ASAP1: variants seen among roughly 807,000 people sequenced by gnomAD.
The protein encoded by ASAP1 is ArfGAP with SH3 domain, ankyrin repeat and PH domain 1, also known as arf-GAP with SH3 domain, ANK repeat and PH domain-containing protein 1.
In ASAP1, 43 loss-of-function variants were observed where a neutral mutation model predicts 145.2. The observed-to-expected ratio is 0.30, with a 90% CI of 0.23 to 0.38. The LOEUF is 0.38. Among genes scored for constraint, ASAP1 ranks in the 10% least tolerant of loss-of-function variants. The pLI is 1.00. For missense variants in ASAP1, 1,018 were observed against 1,355.3 expected (o/e 0.75, Z 3.91); for synonymous variants, 546 against 515.5 (o/e 1.06, Z -0.80).
rs142389280 is a variant in ASAP1 at position 130,187,283 on chromosome 8, A to G, written c.483T>C (p.Asp161=). Residue 161 remains aspartate (D), a splice_region_variant and synonymous_variant, in exon 7 of 30, where the codon GAT becomes GAC. Coordinates refer to ENST00000518721, the MANE Select transcript of ASAP1 (RefSeq NM_018482.4). The stretch of plus-strand genomic sequence containing the variant: ...AGGCTTTGTCAAATGGCTTCTTGAG[A>G]TCCTTAGAAACGAGAAAATGAGATT... ...LKGDLKGVKG[D]LKKPFDKAWK... 136 of 1,609,038 alleles carry G rather than the reference A, an allele frequency of 8.5e-5. No individual in the cohort carries two copies. The highest frequency in any genetic ancestry group is 1.9e-4 in the Admixed American group (11 of 59,152).
At chr8:130,276,724 A>T (rs1179044333) in intron 3 of ASAP1, among the ~76,000 whole-genome samples, 1,206 of 101,670 alleles carry the variant, frequency 0.012, 6 homozygotes, top group African/African-American at 0.038. Context: ...ACACACACAC[A>T]CACACTCTCT....
At chr8:130,112,384 G>A in intron 23 of ASAP1, 62 bp from the exon 24 acceptor site, 2 of 1,460,960 alleles carry the variant, frequency 1.4e-6, no homozygotes, top group South Asian at 2.5e-5. Context: ...TGTACAGAGG[G>A]CCTCCGCAGG....
chr8:130,056,374 C>T (rs1232179636), intron 29 of ASAP1, among the ~76,000 whole-genome samples: 1 of 152,196 alleles, frequency 6.6e-6, no homozygotes, highest in Non-Finnish European at 1.5e-5. Context: ...CAGGCTGATC[C>T]CTTCAGTCCA....
intron 27 of ASAP1, among the ~76,000 whole-genome samples, chr8:130,062,558 G>A (rs1411327609): frequency 6.6e-6 from 1 of 152,154 alleles, no homozygotes; most frequent in East Asian, 1.9e-4. Flanking sequence ...AAAAGCTAGG[G>A]GGAATCCCTG....
intron 11 of ASAP1, among the ~76,000 whole-genome samples, chr8:130,163,537 T>A (rs1252533638): frequency 1.3e-5 from 2 of 152,220 alleles, no homozygotes; most frequent in East Asian, 3.8e-4. Context: ...AATCCTAAAT[T>A]AACTATGAAT....
intron 3 of ASAP1, among the ~76,000 whole-genome samples, chr8:130,238,634 C>T (rs1415043584): frequency 6.6e-6 from 1 of 152,074 alleles, no homozygotes; most frequent in East Asian, 1.9e-4. Context: ...TATACACTTT[C>T]AAATATTTTA....
intron 1 of ASAP1, among the ~76,000 whole-genome samples, chr8:130,433,130 C>T (rs777592740): frequency 1.3e-5 from 2 of 152,204 alleles, no homozygotes; most frequent in African/African-American, 4.8e-5. Context: ...GGTCTATAAA[C>T]GACACCATAG....
At chr8:130,294,355 G>A (rs1172888058) in intron 3 of ASAP1, among the ~76,000 whole-genome samples, 1 of 152,216 alleles carries the variant, frequency 6.6e-6, no homozygotes, top group Non-Finnish European at 1.5e-5. Context: ...CTGGTGTACA[G>A]TCACCTCCTC....
At chr8:130,215,876 G>A (rs1816872488) in intron 4 of ASAP1, among the ~76,000 whole-genome samples, 2 of 151,704 alleles carry the variant, frequency 1.3e-5, no homozygotes, top group African/African-American at 4.8e-5. Context: ...AGTGAGCTGT[G>A]CTTGTGCCAC....
At chr8:130,180,960 CTA>C (rs1814315974) in intron 7 of ASAP1, 80 bp from the exon 8 acceptor site, 1 of 1,337,400 alleles carries the variant, frequency 7.5e-7, no homozygotes, top group East Asian at 2.3e-5. Flanking sequence ...CTAATACAAA[CTA>C]TGGATTTGGG....
chr8:130,398,734 A>G (rs1828644762), intron 2 of ASAP1, among the ~76,000 whole-genome samples: 1 of 152,188 alleles, frequency 6.6e-6, no homozygotes, highest in South Asian at 2.1e-4. Context: ...TTGTAAGTCT[A>G]TAAAACAGGA....
At chr8:130,154,696 G>A (rs1283155574) in intron 12 of ASAP1, among the ~76,000 whole-genome samples, 1 of 152,146 alleles carries the variant, frequency 6.6e-6, no homozygotes, top group Non-Finnish European at 1.5e-5. Context: ...AAATAATATT[G>A]TGCATTTAAC....
chr8:130,159,169 C>A (rs2097664071), intron 12 of ASAP1, among the ~76,000 whole-genome samples: 1 of 152,160 alleles, frequency 6.6e-6, no homozygotes, highest in South Asian at 2.1e-4. Context: ...CACCCTAGAG[C>A]AGGGGCTGAG....
At chr8:130,111,814 T>G (rs1049898983) in intron 24 of ASAP1, among the ~76,000 whole-genome samples, 1 of 152,180 alleles carries the variant, frequency 6.6e-6, no homozygotes. Context: ...TGAGCCTTAG[T>G]TTCCTCTTCT....
intron 27 of ASAP1, 43 bp from the exon 28 acceptor site, chr8:130,061,112 G>C (rs1471202847): frequency 6.6e-7 from 1 of 1,517,014 alleles, no homozygotes; most frequent in Admixed American, 2.3e-5. Flanking sequence ...GGTGGGAAGG[G>C]CTGCTTTCCT....
In ASAP1 at chr8:130,180,885, A is replaced by C. The variant is rs201380435; in HGVS notation, c.531-5T>G. ...TTCTCTTTCTCAATTTTTGTACTGT[A>C]ATTAAAGCCAATGTCATTATTTAAA... is the stretch of plus-strand genomic sequence containing the variant. On this transcript the variant is annotated splice_polypyrimidine_tract_variant and splice_region_variant and intron_variant, in intron 7 of 29. Coordinates refer to ENST00000518721, the MANE Select transcript of ASAP1 (RefSeq NM_018482.4). 4.6e-3 allele frequency: 7,238 copies of C among 1,589,806 alleles called. 14 individuals carry two copies. Among genetic ancestry groups the C allele is most frequent in the Non-Finnish European group, 5.3e-3 (6,179 of 1,173,618 alleles).
At chr8:130,439,726 A>C (rs1175222643) in intron 1 of ASAP1, among the ~76,000 whole-genome samples, 1 of 152,254 alleles carries the variant, frequency 6.6e-6, no homozygotes, top group Non-Finnish European at 1.5e-5. Context: ...GGAGAGAGGA[A>C]GAGCATCCCC....
intron 24 of ASAP1, 88 bp from the exon 25 acceptor site, chr8:130,092,231 G>T: frequency 7.3e-7 from 1 of 1,376,364 alleles, no homozygotes; most frequent in Non-Finnish European, 9.8e-7. Context: ...CCACACATCA[G>T]AATGTGGTAT....
At chr8:130,190,164 C>T (rs978939040) in intron 5 of ASAP1, among the ~76,000 whole-genome samples, 6 of 152,104 alleles carry the variant, frequency 3.9e-5, no homozygotes, top group Admixed American at 3.9e-4. Context: ...ATCCCACTTG[C>T]GTTTGCTCAT....
Sources: allele counts gnomAD v4.1 joint callset (sites outside exome capture counted in the v4.1 genomes callset), GRCh38; gene constraint gnomAD v4.1.1; transcripts MANE v1.5; gene names NCBI Gene and HGNC (gene_info 2026-07-23, HGNC 2026-07-21).